The following FRMD4A variants were observed in gnomAD, a reference collection of about 807,000 sequenced individuals.
FRMD4A encodes FERM domain-containing protein 4A.
Under a neutral mutation model 129.1 loss-of-function variants are expected in FRMD4A, and 29 were observed. That is an observed-to-expected ratio of 0.22 (90% confidence interval 0.17 to 0.31). FRMD4A has a LOEUF of 0.31. Among genes scored for constraint, FRMD4A ranks in the 10% least tolerant of loss-of-function variants. The pLI is 1.00. For missense variants in FRMD4A, 1,272 were observed against 1,375.8 expected (o/e 0.92, Z 1.19); for synonymous variants, 634 against 571.6 (o/e 1.11, Z -1.56).
Position 14,272,174 on chromosome 10 carries a change from C to G in FRMD4A, c.45+57884G>C, listed in dbSNP as rs371864996. 2.0e-5 allele frequency among the ~76,000 whole-genome samples: 3 copies of G among 152,212 alleles called. No homozygotes were observed. The South Asian group carries it at 6.2e-4, about 32-fold the overall frequency. On this transcript the variant is annotated intron_variant, in intron 2 of 24. Transcript: ENST00000357447. ...TAAAGGTCAATGCAGCTCAGGTAAA[C>G]TTACCCCAGCTTGCAGTTATGCCAT...
At chr10:14,211,020 C>G (rs1842920177) in intron 2 of FRMD4A, among the ~76,000 whole-genome samples, 1 of 152,260 alleles carries the variant, frequency 6.6e-6, no homozygotes, top group Non-Finnish European at 1.5e-5. Context: ...AGCCACCGTG[C>G]TCAGCCAGAT....
intron 6 of FRMD4A, among the ~76,000 whole-genome samples, chr10:13,765,114 GTT>G (rs1202429085): frequency 2.2e-4 from 23 of 105,488 alleles, no homozygotes; most frequent in Admixed American, 3.4e-4. Flanking sequence ...TTTTTTTTTT[GTT>G]TTTTTTTTTT....
At position 13,644,144 on chromosome 10, in the gene FRMD4A, T is replaced by A. The variant is rs1282203034; in HGVS notation, c.*2894A>T. The A allele has an allele frequency of 6.6e-6, 1 of 152,486 alleles. No individual in the cohort carries two copies. Among genetic ancestry groups the A allele is most frequent in the African/African-American group, 2.4e-5 (1 of 41,452 alleles). The allele number at this position is 152,486 out of a possible 1,614,324, so 9.4% of individuals were successfully genotyped here. A position where few individuals can be genotyped will look rare whatever the true frequency, so the allele number is the denominator to read the frequency against. On this transcript the variant is annotated 3_prime_UTR_variant, in exon 25 of 25. Transcript: ENST00000357447. ...AGTTTCAACACTCACCTGCATATAATAAAATAAAAAATCAACCTGGCTCAC... is the reference window on the plus strand; with the variant it reads ...AGTTTCAACACTCACCTGCATATAAAAAAATAAAAAATCAACCTGGCTCAC...
At chr10:14,032,829 T>A (rs1833311529) in intron 2 of FRMD4A, among the ~76,000 whole-genome samples, 1 of 151,898 alleles carries the variant, frequency 6.6e-6, no homozygotes, top group Non-Finnish European at 1.5e-5. Context: ...TGGGGCTGAG[T>A]GTGTTTGTGT....
At chr10:13,838,103 T>C (rs959737661) in intron 3 of FRMD4A, among the ~76,000 whole-genome samples, 3 of 152,166 alleles carry the variant, frequency 2.0e-5, no homozygotes, top group African/African-American at 7.2e-5. Context: ...TATTTAGTTA[T>C]TTAGAGGTAG....
intron 2 of FRMD4A, among the ~76,000 whole-genome samples, chr10:14,035,140 C>T (rs1219047050): frequency 2.0e-5 from 3 of 152,106 alleles, no homozygotes; most frequent in Admixed American, 6.6e-5. Context: ...AGACTGGGCA[C>T]GGTGGCTCAC....
intron 3 of FRMD4A, among the ~76,000 whole-genome samples, chr10:13,828,632 A>C (rs2093741197): frequency 1.3e-5 from 2 of 151,244 alleles, no homozygotes; most frequent in South Asian, 4.2e-4. Context: ...TCCTGGGTTC[A>C]AGCAATTCTC....
chr10:13,746,040 G>A (rs1161662898), intron 9 of FRMD4A, among the ~76,000 whole-genome samples: 1 of 152,190 alleles, frequency 6.6e-6, no homozygotes. Context: ...ATTAGAGAAA[G>A]CCATCATTTA....
intron 2 of FRMD4A, among the ~76,000 whole-genome samples, chr10:13,882,782 C>T (rs1047292362): frequency 2.0e-5 from 3 of 149,300 alleles, no homozygotes; most frequent in South Asian, 2.2e-4. Flanking sequence ...AATACAAAAC[C>T]AAAAGCCACA....
chr10:14,270,954 A>G (rs1198801661), intron 2 of FRMD4A, among the ~76,000 whole-genome samples: 1 of 152,224 alleles, frequency 6.6e-6, no homozygotes, highest in African/African-American at 2.4e-5. Context: ...TAATTGGCTC[A>G]TGGTTCTGCA....
At chr10:14,100,232 G>A (rs1027290447) in intron 2 of FRMD4A, among the ~76,000 whole-genome samples, 9 of 152,108 alleles carry the variant, frequency 5.9e-5, no homozygotes, top group Admixed American at 5.9e-4. Flanking sequence ...GAAAGGAAAC[G>A]TCTCCATTTT....
chr10:14,226,217 T>C (rs1188324223), intron 2 of FRMD4A, among the ~76,000 whole-genome samples: 2 of 152,208 alleles, frequency 1.3e-5, no homozygotes, highest in Non-Finnish European at 2.9e-5. Context: ...CAACTCATCA[T>C]CTAGGTTTTA....
chr10:13,672,255 C>T (rs12244567), intron 16 of FRMD4A, among the ~76,000 whole-genome samples: 160 of 152,224 alleles, frequency 1.1e-3, no homozygotes, highest in African/African-American at 3.7e-3. Flanking sequence ...GGCCAACTAT[C>T]TGAGTATCAG....
intron 2 of FRMD4A, among the ~76,000 whole-genome samples, chr10:14,022,389 C>G (rs1054126093): frequency 6.6e-6 from 1 of 152,160 alleles, no homozygotes; most frequent in African/African-American, 2.4e-5. Context: ...GGGGAACTCA[C>G]AATGGGAAAT....
intron 2 of FRMD4A, among the ~76,000 whole-genome samples, chr10:14,154,622 G>A (rs1001902899): frequency 2.0e-5 from 3 of 152,058 alleles, no homozygotes; most frequent in Non-Finnish European, 4.4e-5. Flanking sequence ...AATTAACAAC[G>A]TTCAAATTTA....
intron 3 of FRMD4A, among the ~76,000 whole-genome samples, chr10:13,828,420 A>G (rs2093736082): frequency 6.6e-6 from 1 of 152,128 alleles, no homozygotes; most frequent in Non-Finnish European, 1.5e-5. Context: ...GAGCTATTTC[A>G]CTTAATGACT....
chr10:13,942,878 AGCCGAGATTGT>A (rs947077070), intron 2 of FRMD4A, among the ~76,000 whole-genome samples: 2 of 152,096 alleles, frequency 1.3e-5, no homozygotes, highest in African/African-American at 2.4e-5. Flanking sequence ...GGTTTCAGTG[AGCCGAGATTGT>A]GCCACTGCAC....
intron 2 of FRMD4A, chr10:14,083,818 A>G (rs1306536262): frequency 6.6e-6 from 1 of 152,216 alleles, no homozygotes; most frequent in East Asian, 1.9e-4. Flanking sequence ...ATCATCCTGT[A>G]AAAAGCATAG....
intron 2 of FRMD4A, chr10:14,007,287 C>T (rs1018929133): frequency 6.6e-6 from 1 of 152,106 alleles, no homozygotes; most frequent in Non-Finnish European, 1.5e-5. Flanking sequence ...TTTCTGAGAC[C>T]AACAGAACCA....
Sources: gnomAD v4.1 joint callset for allele counts (sites outside exome capture counted in the v4.1 genomes callset) on GRCh38, gnomAD v4.1.1 for gene constraint, MANE v1.5 for transcripts, NCBI Gene and HGNC (gene_info 2026-07-23, HGNC 2026-07-21) for gene names.